Variants in CD44 observed in about 807,000 individuals in gnomAD.
The protein encoded by CD44 is CD44 antigen.
CD44 carries 49 observed loss-of-function variants against 88.8 expected under a neutral mutation model. That is an observed-to-expected ratio of 0.55 (90% CI 0.44 to 0.70). The LOEUF (loss-of-function observed/expected upper bound fraction) is 0.70. Among genes scored for constraint, CD44 ranks in the 30% least tolerant of loss-of-function variants. CD44 has a pLI of 0.00. For synonymous variants in CD44, 325 were observed against 312.3 expected, an observed-to-expected ratio of 1.04 and a Z score of -0.43; for missense variants, 883 against 913.8, an observed-to-expected ratio of 0.97 and a Z score of 0.43.
intron 17 of CD44, among the ~76,000 whole-genome samples, chr11:35,223,474 C>T (rs1255492352): frequency 1.3e-5 from 2 of 152,152 alleles, no homozygotes; most frequent in Non-Finnish European, 2.9e-5. Flanking sequence ...TCAGCTGTCC[C>T]TAAGAGCAGC....
At chr11:35,156,564 G>A (rs181242956) in intron 1 of CD44, among the ~76,000 whole-genome samples, 1 of 152,320 alleles carries the variant, frequency 6.6e-6, no homozygotes, top group East Asian at 1.9e-4. Flanking sequence ...TTGAGCATTA[G>A]ACTGGCCGGC....
intron 5 of CD44, among the ~76,000 whole-genome samples, chr11:35,194,722 T>A (rs537442906): frequency 6.6e-6 from 1 of 152,354 alleles, no homozygotes; most frequent in African/African-American, 2.4e-5. Context: ...TATTCTTAAA[T>A]GTCCTGTATG....
In CD44 at chr11:35,206,124, A is replaced by T; in HGVS notation, c.1295A>T (p.His432Leu). ...TGCATGGTCACAGCAGCCTCAGCTC[A>T]TACCAGCCATCCAATGCAAGGAAGG... is the stretch of plus-strand genomic sequence containing the variant. ...STTGTAAASA[H>L]TSHPMQGRTT... The change falls in exon 11 of 18, where the codon CAT (histidine) becomes CTT (leucine). Residue 432 changes from histidine to leucine, a missense_variant. Around this residue, in one of 2 missense-constraint regions of CD44, gnomAD observed 631 missense variants for 590.9 expected, o/e 1.07. Transcript: ENST00000428726. The T allele has an allele frequency of 6.2e-7, 1 of 1,610,336 alleles. No homozygotes were observed. The highest frequency in any genetic ancestry group is 8.5e-7 in the Non-Finnish European group (1 of 1,178,172).
chr11:35,204,981 A>G (rs1947692682), intron 10 of CD44: 1 of 206,258 alleles, frequency 4.8e-6, no homozygotes, highest in Non-Finnish European at 1.0e-5. Flanking sequence ...AATCTACTCT[A>G]TAATGTGGGT....
At chr11:35,142,659 T>A (rs1858228591) in intron 1 of CD44, among the ~76,000 whole-genome samples, 1 of 152,176 alleles carries the variant, frequency 6.6e-6, no homozygotes, top group South Asian at 2.1e-4. Flanking sequence ...ATTCAGGTAT[T>A]CCCCATTTAC....
At chr11:35,189,107 T>A (rs936135718) in intron 4 of CD44, among the ~76,000 whole-genome samples, 3 of 152,202 alleles carry the variant, frequency 2.0e-5, no homozygotes, top group African/African-American at 7.2e-5. Flanking sequence ...AATGAATGAA[T>A]GCATTCAGGC....
At chr11:35,174,236 T>C (rs1944213943) in intron 1 of CD44, among the ~76,000 whole-genome samples, 1 of 152,178 alleles carries the variant, frequency 6.6e-6, no homozygotes, top group South Asian at 2.1e-4. Context: ...GCCTCAACTT[T>C]CTTGTTGGTA....
intron 1 of CD44, among the ~76,000 whole-genome samples, chr11:35,175,730 A>C (rs1466281958): frequency 6.6e-6 from 1 of 152,190 alleles, no homozygotes; most frequent in Non-Finnish European, 1.5e-5. Flanking sequence ...CAATGGAGAG[A>C]ATGTAAGAGT....
At chr11:35,146,437 C>T (rs1859196191) in intron 1 of CD44, among the ~76,000 whole-genome samples, 1 of 152,202 alleles carries the variant, frequency 6.6e-6, no homozygotes, top group African/African-American at 2.4e-5. Flanking sequence ...CATCTTTGCA[C>T]AAGTTCTATG....
At chr11:35,211,560 T>C (rs1948391440) in intron 14 of CD44, 111 bp downstream of exon 14, 1 of 728,202 alleles carries the variant, frequency 1.4e-6, no homozygotes, top group Admixed American at 2.6e-5. Context: ...TAGTTTGTGA[T>C]ATGGAAATAT....
chr11:35,206,667 G>GA (rs1554971894), intron 11 of CD44, among the ~76,000 whole-genome samples: 1 of 64,588 alleles, frequency 1.5e-5, no homozygotes, highest in Non-Finnish European at 4.3e-5. Context: ...GGTGGGGGTT[G>GA]GTGGGGGGGG....
At chr11:35,204,285 C>T (rs1316177367) in intron 9 of CD44, among the ~76,000 whole-genome samples, 1 of 152,088 alleles carries the variant, frequency 6.6e-6, no homozygotes, top group Non-Finnish European at 1.5e-5. Flanking sequence ...TGATTTTGAA[C>T]AAATCAAAAC....
At position 35,172,665 on chromosome 11, in the gene CD44, A is replaced by G. The variant is rs564990981; in HGVS notation, c.68-3910A>G. 7.2e-4 allele frequency among the ~76,000 whole-genome samples: 109 copies of G among 152,294 alleles called. No homozygotes were observed. In the South Asian group the frequency reaches 0.012, roughly 17 times the overall value. On this transcript the variant is annotated intron_variant, in intron 1 of 17. Transcript: ENST00000428726. Reference sequence around the variant, plus strand: ...TGTCCTGATGAACTTTTCATAAAGCATCAATGATTTTTTCATTCTTCCACC... The same window carrying G: ...TGTCCTGATGAACTTTTCATAAAGCGTCAATGATTTTTTCATTCTTCCACC...
intron 17 of CD44, chr11:35,223,037 G>A (rs1167224724): frequency 1.0e-5 from 10 of 985,210 alleles, no homozygotes; most frequent in East Asian, 1.1e-4. Context: ...CAATAATTAC[G>A]CTGGTACAAG....
chr11:35,144,409 G>A (rs553327296), intron 1 of CD44, among the ~76,000 whole-genome samples: 1 of 152,240 alleles, frequency 6.6e-6, no homozygotes, highest in Non-Finnish European at 1.5e-5. Context: ...GGTTTGCACA[G>A]CAAGAAACCG....
chr11:35,216,925 G>A (rs1004050638), intron 15 of CD44, among the ~76,000 whole-genome samples: 3 of 152,206 alleles, frequency 2.0e-5, no homozygotes, highest in Non-Finnish European at 2.9e-5. Flanking sequence ...TGGAAGCTTA[G>A]ACTGTGCTAG....
intron 16 of CD44, among the ~76,000 whole-genome samples, chr11:35,221,278 G>C (rs1949274732): frequency 6.6e-6 from 1 of 152,064 alleles, no homozygotes; most frequent in Non-Finnish European, 1.5e-5. Flanking sequence ...TGGATAGGTG[G>C]ATGCTCTTAT....
At chr11:35,153,153 G>A (rs147261141) in intron 1 of CD44, among the ~76,000 whole-genome samples, 1 of 152,244 alleles carries the variant, frequency 6.6e-6, no homozygotes, top group Non-Finnish European at 1.5e-5. Context: ...TGGCAAAACC[G>A]TGGTCTTCTG....
rs1591064833 is a variant in CD44, at chr11:35,176,470, G to C, written c.68-105G>C. 4.9e-6 allele frequency: 5 copies of C among 1,022,694 alleles called. No individual in the cohort carries two copies. The East Asian group carries it at 1.3e-4, about 27-fold the overall frequency. The allele number at this position is 1,022,694 out of a possible 1,614,324, so 63.4% of individuals were successfully genotyped here. ...TGGGATTGTAGGCATGAGCCACCGC[G>C]CCCGGCCTTATTTGACTTTTTAAGG... On this transcript the variant is annotated intron_variant, in intron 1 of 17. Transcript: ENST00000428726.
Sources: allele counts gnomAD v4.1 joint callset (sites outside exome capture counted in the v4.1 genomes callset), GRCh38; gene constraint gnomAD v4.1.1; regional missense constraint gnomAD v4.1.1; transcripts MANE v1.5; gene names NCBI Gene and HGNC (gene_info 2026-07-23, HGNC 2026-07-21).